The following KANSL1 variants were observed in gnomAD, a reference collection of about 807,000 sequenced individuals.
KANSL1 encodes the protein KAT8 regulatory NSL complex subunit 1.
Under a neutral mutation model 103.6 loss-of-function variants are expected in KANSL1, and 22 were observed. The ratio of observed to expected loss-of-function variants is 0.21; its 90% CI spans 0.15 to 0.30. KANSL1 has a LOEUF of 0.30. Among genes scored for constraint, KANSL1 ranks in the 10% least tolerant of loss-of-function variants. The pLI is 1.00. For missense variants in KANSL1, 1,337 were observed against 1,399.8 expected (o/e 0.96, Z 0.72); for synonymous variants, 600 against 527.6 (o/e 1.14, Z -1.88).
intron 2 of KANSL1, among the ~76,000 whole-genome samples, chr17:46,137,084 G>A (rs1277770302): frequency 1.3e-5 from 2 of 152,002 alleles, no homozygotes; most frequent in Admixed American, 6.5e-5. Context: ...CACAGAAACA[G>A]CAAGTGCACT....
intron 1 of KANSL1, among the ~76,000 whole-genome samples, chr17:46,209,353 G>T (rs1221847255): frequency 3.4e-4 from 52 of 152,128 alleles, no homozygotes; most frequent in Non-Finnish European, 7.3e-4. Context: ...AAGGTAGAGG[G>T]GAAAAGCTAT....
At position 46,032,059 on chromosome 17, in the gene KANSL1, C is replaced by T. The variant is rs1446092533; in HGVS notation, c.3078G>A (p.Gly1026=). The change falls in exon 14 of 15, where the codon GGG becomes GGA. Residue 1026 remains glycine (G), a synonymous_variant. Coordinates refer to ENST00000432791, the MANE Select transcript of KANSL1 (RefSeq NM_015443.4). ...EDTRCSTPEL[G]LDEQSVQPWE... is the part of the protein sequence containing the mutation. Reference sequence around the variant, plus strand: ...CTGCGTCCCTTACCTGTTCATCCAGCCCCAGCTCTGGTGTGGAACAACGGG... The same window carrying T: ...CTGCGTCCCTTACCTGTTCATCCAGTCCCAGCTCTGGTGTGGAACAACGGG... 1.2e-5 allele frequency: 19 copies of T among 1,614,068 alleles called. No homozygotes were observed. The highest frequency in any genetic ancestry group is 1.5e-5 in the Non-Finnish European group (18 of 1,180,048).
At chr17:46,100,708 T>C (rs971682920) in intron 2 of KANSL1, among the ~76,000 whole-genome samples, 1 of 152,248 alleles carries the variant, frequency 6.6e-6, no homozygotes, top group African/African-American at 2.4e-5. Flanking sequence ...CCAGGCCTAG[T>C]GCCTCTAATT....
At position 46,032,351 on chromosome 17, in the gene KANSL1, G is replaced by A. The variant is rs367992334; in HGVS notation, c.2838-52C>T. 2.7e-4 allele frequency: 401 copies of A among 1,459,290 alleles called. 1 individual carries two copies. The African/African-American group carries it at 3.4e-3, about 12-fold the overall frequency. The allele number at this position is 1,459,290 out of a possible 1,614,324, so 90.4% of individuals were successfully genotyped here. A position where few individuals can be genotyped will look rare whatever the true frequency, so the allele number is the denominator to read the frequency against. On this transcript the variant is annotated intron_variant, in intron 13 of 14. Transcript: ENST00000432791. ...GTGCCTGGGAAATGTTTACTTATGG[G>A]GGTAGAGGGCATGAAAAAAGCATCC...
intron 7 of KANSL1, among the ~76,000 whole-genome samples, chr17:46,049,240 CTTTTTTTTTTTTTTTTT>C (rs34418861): frequency 1.3e-5 from 1 of 75,768 alleles, no homozygotes; most frequent in East Asian, 4.0e-4. Flanking sequence ...CATCCAAGAC[CTTTTTTTTTTTTTTTTT>C]TTTTTTTTGA....
chr17:46,112,302 A>C (rs1322729603), intron 2 of KANSL1, among the ~76,000 whole-genome samples: 1 of 144,588 alleles, frequency 6.9e-6, no homozygotes, highest in Non-Finnish European at 1.5e-5. Flanking sequence ...CAGGAGGTGA[A>C]GGTTGCAGTG....
chr17:46,092,178 T>C (rs1364006017), intron 3 of KANSL1, among the ~76,000 whole-genome samples: 1 of 152,220 alleles, frequency 6.6e-6, no homozygotes, highest in Non-Finnish European at 1.5e-5. Flanking sequence ...CACGCACCAA[T>C]GAAATCACCT....
chr17:46,199,817 A>AT (rs1260853242), intron 1 of KANSL1, among the ~76,000 whole-genome samples: 1 of 152,248 alleles, frequency 6.6e-6, no homozygotes, highest in African/African-American at 2.4e-5. Context: ...CTTTAGGATA[A>AT]TTCAGAAGAC....
intron 2 of KANSL1, among the ~76,000 whole-genome samples, chr17:46,098,033 T>A (rs1421034456): frequency 1.3e-5 from 2 of 149,612 alleles, no homozygotes; most frequent in South Asian, 2.1e-4. Context: ...TGGAACCACT[T>A]CAAGATAAAA....
chr17:46,222,797 C>T (rs1311836432), intron 1 of KANSL1: 4 of 152,310 alleles, frequency 2.6e-5, no homozygotes, highest in African/African-American at 4.8e-5. Context: ...GTTTCCAAGA[C>T]TCCTTATCCT....
chr17:46,054,857 T>G (rs577712865), intron 6 of KANSL1, among the ~76,000 whole-genome samples: 113 of 148,410 alleles, frequency 7.6e-4, no homozygotes, highest in Non-Finnish European at 1.5e-3. Context: ...CAAAGTAACT[T>G]TTTTTTTTTT....
chr17:46,068,711 A>G (rs1220013866), intron 4 of KANSL1, among the ~76,000 whole-genome samples: 1 of 152,240 alleles, frequency 6.6e-6, no homozygotes, highest in Non-Finnish European at 1.5e-5. Context: ...ATATGTTTAG[A>G]ATATAAAATG....
chr17:46,060,448 A>G lies in KANSL1; in HGVS notation c.1848+6089T>C, dbSNP rs547910726. Reference sequence around the variant, plus strand: ...TTATTTTGTATGTGTTTTATAATGTATATATAAAACACCGTCATAACAGTT... The same window carrying G: ...TTATTTTGTATGTGTTTTATAATGTGTATATAAAACACCGTCATAACAGTT... On this transcript the variant is annotated intron_variant, in intron 6 of 14. Transcript: ENST00000432791. Among the ~76,000 whole-genome samples the G allele has an allele frequency of 5.3e-5, 8 of 152,306 alleles. No homozygotes were observed. The South Asian group carries it at 1.7e-3, about 32-fold the overall frequency.
intron 2 of KANSL1, among the ~76,000 whole-genome samples, chr17:46,163,680 TCA>T (rs1211549464): frequency 2.0e-5 from 3 of 152,246 alleles, no homozygotes; most frequent in Non-Finnish European, 4.4e-5. Context: ...ATTGCTGTAG[TCA>T]GCCAGGCTTA....
At chr17:46,076,060 T>C (rs764164391) in intron 4 of KANSL1, among the ~76,000 whole-genome samples, 6 of 152,240 alleles carry the variant, frequency 3.9e-5, no homozygotes, top group Non-Finnish European at 5.9e-5. Flanking sequence ...CAATGACAAT[T>C]AGCTTTTACT....
At chr17:46,146,423 G>T (rs886537611) in intron 2 of KANSL1, among the ~76,000 whole-genome samples, 2 of 152,078 alleles carry the variant, frequency 1.3e-5, no homozygotes, top group African/African-American at 4.8e-5. Flanking sequence ...GATAGTCCAG[G>T]GCTCTTTCCT....
At chr17:46,184,811 T>C (rs905424834) in intron 1 of KANSL1, among the ~76,000 whole-genome samples, 6 of 151,940 alleles carry the variant, frequency 3.9e-5, no homozygotes, top group Non-Finnish European at 8.8e-5. Context: ...AATTTTGTCT[T>C]GTCTCTTTCT....
chr17:46,198,169 G>A (rs2047675509), upstream of KANSL1, among the ~76,000 whole-genome samples: 1 of 152,130 alleles, frequency 6.6e-6, no homozygotes, highest in African/African-American at 2.4e-5. Context: ...ACAGGACCTA[G>A]GTAGCCCGAT....
chr17:46,214,098 T>C (rs566040911), intron 1 of KANSL1, among the ~76,000 whole-genome samples: 1 of 152,296 alleles, frequency 6.6e-6, no homozygotes, highest in East Asian at 1.9e-4. Context: ...GCAAACTAGT[T>C]CTCTTTTTCC....
Sources: allele counts gnomAD v4.1 joint callset (sites outside exome capture counted in the v4.1 genomes callset), GRCh38; gene constraint gnomAD v4.1.1; transcripts MANE v1.5; gene names NCBI Gene and HGNC (gene_info 2026-07-23, HGNC 2026-07-21).